The following DAB1 variants were observed in gnomAD, a reference collection of about 807,000 sequenced individuals.
DAB1 encodes the protein DAB adaptor protein 1, also known as disabled homolog 1.
A neutral mutation model predicts 64.6 loss-of-function variants in DAB1; 15 were observed. The observed-to-expected ratio is 0.23, with a 90% CI of 0.16 to 0.36. DAB1 has a LOEUF of 0.36. DAB1 is among the 10% of genes least tolerant of loss of function. The pLI is 1.00. For synonymous variants in DAB1, 235 were observed against 251.9 expected, an observed-to-expected ratio of 0.93 and a Z score of 0.64; for missense variants, 596 against 706.7, an observed-to-expected ratio of 0.84 and a Z score of 1.78.
At chr1:57,806,481 G>A (rs749386643) in intron 6 of DAB1, among the ~76,000 whole-genome samples, 6 of 152,116 alleles carry the variant, frequency 3.9e-5, no homozygotes, top group South Asian at 2.1e-4. Context: ...TCAAACCAAG[G>A]CAACGACTGG....
chr1:58,287,195 T>C (rs1336484424), intron 4 of DAB1, among the ~76,000 whole-genome samples: 2 of 151,886 alleles, frequency 1.3e-5, no homozygotes, highest in Admixed American at 6.6e-5. Flanking sequence ...TCAGGAAAAA[T>C]AGCTAATGCA....
chr1:58,492,684 T>G (rs1217928670), intron 3 of DAB1, among the ~76,000 whole-genome samples: 4 of 152,204 alleles, frequency 2.6e-5, no homozygotes, highest in African/African-American at 9.7e-5. Context: ...GATAAATTCC[T>G]GGACACATAC....
intron 7 of DAB1, among the ~76,000 whole-genome samples, chr1:57,563,879 C>CA (rs1202254091): frequency 2.6e-5 from 4 of 152,178 alleles, no homozygotes; most frequent in Non-Finnish European, 5.9e-5. Context: ...CATAGCCAAA[C>CA]AAAAGGCAGA....
At chr1:57,678,873 TCTC>T (rs920733230) in intron 6 of DAB1, among the ~76,000 whole-genome samples, 1 of 150,970 alleles carries the variant, frequency 6.6e-6, no homozygotes, top group Non-Finnish European at 1.5e-5. Context: ...TTCACACCAT[TCTC>T]CTGCCACAGC....
At chr1:58,137,088 G>GAA (rs140376860) in intron 5 of DAB1, among the ~76,000 whole-genome samples, 25 of 139,670 alleles carry the variant, frequency 1.8e-4, no homozygotes, top group Non-Finnish European at 1.3e-4. Context: ...TTGGTCTCTA[G>GAA]AAAAAAAAAA....
intron 5 of DAB1, among the ~76,000 whole-genome samples, chr1:58,044,696 C>T (rs1352440683): frequency 6.6e-6 from 1 of 152,096 alleles, no homozygotes; most frequent in Non-Finnish European, 1.5e-5. Flanking sequence ...AGTTCTGACA[C>T]GTACTAACTC....
intron 6 of DAB1, among the ~76,000 whole-genome samples, chr1:57,651,874 G>C (rs1450205239): frequency 6.6e-6 from 1 of 152,122 alleles, no homozygotes; most frequent in South Asian, 2.1e-4. Context: ...ATATCAGTGC[G>C]AAAATTACGG....
intron 14 of DAB1, among the ~76,000 whole-genome samples, chr1:57,008,056 A>G (rs1326476453): frequency 1.3e-5 from 2 of 152,206 alleles, no homozygotes; most frequent in Non-Finnish European, 2.9e-5. Flanking sequence ...TGAAGTGGCC[A>G]GGCTAAGCTT....
chr1:57,004,415 C>T (rs1023277092), intron 14 of DAB1, among the ~76,000 whole-genome samples: 1 of 152,184 alleles, frequency 6.6e-6, no homozygotes, highest in Non-Finnish European at 1.5e-5. Context: ...ACTAGTGGAG[C>T]GAAGACACTG....
intron 4 of DAB1, among the ~76,000 whole-genome samples, chr1:58,165,523 G>A (rs1377298075): frequency 2.0e-5 from 3 of 152,232 alleles, no homozygotes; most frequent in Non-Finnish European, 2.9e-5. Flanking sequence ...AAAGGGCGGC[G>A]AGCTTCCCAT....
chr1:57,163,875 A>G (rs1660989054), intron 2 of DAB1, among the ~76,000 whole-genome samples: 1 of 152,168 alleles, frequency 6.6e-6, no homozygotes, highest in African/African-American at 2.4e-5. Flanking sequence ...TCAAAAGCCA[A>G]GAGAACCTGG....
intron 9 of DAB1, among the ~76,000 whole-genome samples, chr1:57,051,445 G>A (rs1292147925): frequency 6.6e-6 from 1 of 152,212 alleles, no homozygotes. Context: ...AAAGATGGGA[G>A]TTGTGGGGGG....
At chr1:58,487,850 TCTAA>T (rs1261911318) in intron 3 of DAB1, among the ~76,000 whole-genome samples, 14 of 152,158 alleles carry the variant, frequency 9.2e-5, no homozygotes, top group Admixed American at 6.5e-4. Context: ...ATTAACATTA[TCTAA>T]CTAAAAATAA....
Position 57,778,799 on chromosome 1 carries a change from C to T in DAB1, n.551+105200G>A, listed in dbSNP as rs372057566. 1.1e-4 allele frequency among the ~76,000 whole-genome samples: 16 copies of T among 152,012 alleles called. No individual in the cohort carries two copies. In the South Asian group the frequency reaches 2.1e-3, roughly 20 times the overall value. The stretch of plus-strand genomic sequence containing the variant: ...TGACTGTGTGATCTAAAATTTATTC[C>T]GCCTTGCTTTTTTTCCTTCTTTTCA... On this transcript the variant is annotated intron_variant and non_coding_transcript_variant, in intron 6 of 20. Coordinates refer to the DAB1 transcript ENST00000485760.
At chr1:57,432,337 T>C (rs1157210655) in intron 7 of DAB1, among the ~76,000 whole-genome samples, 1 of 152,092 alleles carries the variant, frequency 6.6e-6, no homozygotes, top group African/African-American at 2.4e-5. Context: ...CTGGTAATTT[T>C]TTTTTTTCTA....
At chr1:58,469,912 G>C (rs1238747419) in intron 3 of DAB1, among the ~76,000 whole-genome samples, 2 of 151,896 alleles carry the variant, frequency 1.3e-5, no homozygotes, top group Non-Finnish European at 2.9e-5. Flanking sequence ...TTAAATTTGT[G>C]AAATTCTTTC....
intron 4 of DAB1, among the ~76,000 whole-genome samples, chr1:58,203,079 T>C (rs1658085577): frequency 6.6e-6 from 1 of 152,214 alleles, no homozygotes; most frequent in African/African-American, 2.4e-5. Flanking sequence ...AAGAAGATCC[T>C]GCCCTTAAGA....
intron 6 of DAB1, 163 bp from the exon 7 acceptor site, chr1:57,071,224 A>G (rs1032389418): frequency 1.4e-6 from 1 of 702,378 alleles, no homozygotes; most frequent in South Asian, 1.9e-5. Context: ...AAATCCTTAG[A>G]GCCACTCCCA....
chr1:58,411,951 T>C (rs112037850), intron 3 of DAB1, among the ~76,000 whole-genome samples: 11 of 152,202 alleles, frequency 7.2e-5, no homozygotes, highest in African/African-American at 2.7e-4. Context: ...AGAATCCCTC[T>C]TTTCTATAGG....
Sources: gnomAD v4.1 joint callset for allele counts (sites outside exome capture counted in the v4.1 genomes callset) on GRCh38, gnomAD v4.1.1 for gene constraint, MANE v1.5 for transcripts, NCBI Gene and HGNC (gene_info 2026-07-23, HGNC 2026-07-21) for gene names.